SUPT3H: variants seen among roughly 807,000 people sequenced by gnomAD.
The protein encoded by SUPT3H is SPT3 homolog, SAGA and STAGA complex component, also known as transcription initiation protein SPT3 homolog.
Under a neutral mutation model 44.3 loss-of-function variants are expected in SUPT3H, and 44 were observed. That is an observed-to-expected ratio of 0.99 (90% CI 0.78 to 1.28). SUPT3H has a LOEUF of 1.28. Among genes scored for constraint, SUPT3H ranks in the 50% most tolerant of loss-of-function variants. SUPT3H has a pLI of 0.00. For missense variants in SUPT3H, 380 were observed against 387.1 expected, an observed-to-expected ratio of 0.98 and a Z score of 0.15; for synonymous variants, 124 against 125.6, an observed-to-expected ratio of 0.99 and a Z score of 0.09.
chr6:45,320,454 T>A, intron 2 of SUPT3H, among the ~76,000 whole-genome samples: 1 of 151,584 alleles, frequency 6.6e-6, no homozygotes. Flanking sequence ...TTTTTTTTTT[T>A]TTCTGGTAGA....
At chr6:45,020,271 T>C (rs1784928557) in intron 4 of SUPT3H, among the ~76,000 whole-genome samples, 1 of 151,902 alleles carries the variant, frequency 6.6e-6, no homozygotes, top group South Asian at 2.1e-4. Flanking sequence ...CAGTATTTAG[T>C]GAGTATCATG....
At chr6:44,897,375 G>T (rs1203560117) in intron 10 of SUPT3H, among the ~76,000 whole-genome samples, 2 of 152,130 alleles carry the variant, frequency 1.3e-5, no homozygotes, top group African/African-American at 4.8e-5. Flanking sequence ...TTAAAATATA[G>T]TGGGAAAAAC....
At chr6:45,107,651 T>C (rs1468157462) in intron 2 of SUPT3H, among the ~76,000 whole-genome samples, 1 of 152,180 alleles carries the variant, frequency 6.6e-6, no homozygotes, top group Non-Finnish European at 1.5e-5. Flanking sequence ...AGGTACCTTG[T>C]AGAAACAAAT....
chr6:45,314,003 A>C lies in SUPT3H; in HGVS notation c.101+51198T>G, dbSNP rs139727596. On this transcript the variant is annotated intron_variant, in intron 2 of 10. Coordinates refer to ENST00000371459, the MANE Select transcript of SUPT3H (RefSeq NM_003599.4). ...ATGGTTTAACATATGCAAGTCAATA[A>C]ATATATTTCACCACATAAACAGATT... 1.3e-4 allele frequency among the ~76,000 whole-genome samples: 20 copies of C among 152,324 alleles called. No individual in the cohort carries two copies. In the East Asian group the frequency reaches 3.7e-3, roughly 28 times the overall value.
intron 3 of SUPT3H, among the ~76,000 whole-genome samples, chr6:45,052,581 A>G (rs991042262): frequency 6.6e-6 from 1 of 152,078 alleles, no homozygotes; most frequent in African/African-American, 2.4e-5. Flanking sequence ...TGACTCAGAC[A>G]CTCTTATTTA....
At position 45,177,725 on chromosome 6, in the gene SUPT3H, C is replaced by G. The variant is rs564619670; in HGVS notation, c.102-71719G>C. ...ATCAGACTAACAGCTGATCTCTCAG[C>G]AGAAACTCTACAAGCCAGAAGAGAG... is the stretch of plus-strand genomic sequence containing the variant. On this transcript the variant is annotated intron_variant, in intron 2 of 10. Transcript: ENST00000371459. 8.6e-4 allele frequency among the ~76,000 whole-genome samples: 130 copies of G among 151,998 alleles called. 1 individual carries two copies. The highest frequency in any genetic ancestry group is 3.0e-3 in the African/African-American group (125 of 41,464).
intron 3 of SUPT3H, among the ~76,000 whole-genome samples, chr6:45,025,606 G>A (rs58552158): frequency 0.024 from 3,678 of 152,226 alleles, 153 homozygotes; most frequent in African/African-American, 0.082. Context: ...AGAATTGGCC[G>A]GGCGCGGTGG....
chr6:44,916,176 G>A (rs1278325175), intron 10 of SUPT3H, among the ~76,000 whole-genome samples: 2 of 152,152 alleles, frequency 1.3e-5, no homozygotes, highest in Admixed American at 1.3e-4. Flanking sequence ...AGCAGAAGTA[G>A]GAACTATTTC....
At chr6:45,126,693 G>T (rs962580960) in intron 2 of SUPT3H, among the ~76,000 whole-genome samples, 13 of 152,148 alleles carry the variant, frequency 8.5e-5, no homozygotes, top group Non-Finnish European at 1.3e-4. Context: ...TATCCTCTAA[G>T]GGAGAAGCCT....
intron 2 of SUPT3H, among the ~76,000 whole-genome samples, chr6:45,106,563 G>C (rs572987632): frequency 6.6e-6 from 1 of 151,962 alleles, no homozygotes; most frequent in East Asian, 1.9e-4. Context: ...TTGAGACAGA[G>C]TCTCACCCTG....
intron 2 of SUPT3H, among the ~76,000 whole-genome samples, chr6:45,299,555 A>G (rs529108383): frequency 8.5e-5 from 13 of 152,226 alleles, no homozygotes; most frequent in African/African-American, 2.6e-4. Flanking sequence ...AATATCCACA[A>G]GGAGGAATAC....
chr6:45,052,258 G>C (rs1360043460), intron 3 of SUPT3H, among the ~76,000 whole-genome samples: 1 of 152,086 alleles, frequency 6.6e-6, no homozygotes, highest in Non-Finnish European at 1.5e-5. Flanking sequence ...GTAGTTATGA[G>C]TTTTTAAAAA....
chr6:45,154,072 GA>G (rs796547480), intron 2 of SUPT3H, among the ~76,000 whole-genome samples: 7,878 of 17,990 alleles, frequency 0.44, 1,272 homozygotes, highest in African/African-American at 0.57. Flanking sequence ...TCTGTCTCAA[GA>G]AAAAAAAAAA....
chr6:45,347,237 T>C (rs1380280546), intron 2 of SUPT3H, among the ~76,000 whole-genome samples: 2 of 152,188 alleles, frequency 1.3e-5, no homozygotes, highest in African/African-American at 2.4e-5. Context: ...TTAAGAGATA[T>C]AGTAAATTAA....
At chr6:45,069,124 T>G (rs1188711234) in intron 3 of SUPT3H, among the ~76,000 whole-genome samples, 1 of 152,112 alleles carries the variant, frequency 6.6e-6, no homozygotes, top group Non-Finnish European at 1.5e-5. Flanking sequence ...AAATACTGAA[T>G]TAGAAGGTGA....
chr6:44,830,841 A>C (rs1189143863), intron 10 of SUPT3H, among the ~76,000 whole-genome samples: 4 of 151,970 alleles, frequency 2.6e-5, no homozygotes, highest in Non-Finnish European at 5.9e-5. Flanking sequence ...GCAGTTCTGG[A>C]GTCTGTATAC....
chr6:44,933,365 T>C (rs1770900419), intron 9 of SUPT3H, among the ~76,000 whole-genome samples: 4 of 152,100 alleles, frequency 2.6e-5, no homozygotes. Context: ...CACAAAAAGA[T>C]ACAAAAAAGA....
intron 6 of SUPT3H, among the ~76,000 whole-genome samples, chr6:44,980,387 A>AG (rs1402731226): frequency 6.6e-6 from 1 of 152,174 alleles, no homozygotes; most frequent in Non-Finnish European, 1.5e-5. Context: ...ACAAAATGAC[A>AG]GTGAAGGAAA....
At chr6:45,236,343 C>T (rs979413597) in intron 2 of SUPT3H, among the ~76,000 whole-genome samples, 9 of 152,038 alleles carry the variant, frequency 5.9e-5, no homozygotes, top group East Asian at 5.8e-4. Flanking sequence ...AAGCAATCCC[C>T]GTGGTGAGTA....
Sources: gnomAD v4.1 joint callset for allele counts (sites outside exome capture counted in the v4.1 genomes callset) on GRCh38, gnomAD v4.1.1 for gene constraint, MANE v1.5 for transcripts, NCBI Gene and HGNC (gene_info 2026-07-23, HGNC 2026-07-21) for gene names.